Variants in XYLB observed in about 807,000 individuals in gnomAD.
XYLB encodes xylulose kinase.
XYLB carries 62 observed loss-of-function variants against 78.7 expected under a neutral mutation model. That is an observed-to-expected ratio of 0.79 (90% CI 0.64 to 0.97). The LOEUF (loss-of-function observed/expected upper bound fraction) is 0.97, where lower values mean the gene tolerates loss of function less well. Ranked by LOEUF, XYLB falls within the 50% of genes least tolerant of loss-of-function variation. XYLB has a pLI of 0.00. For synonymous variants in XYLB, 245 were observed against 247.4 expected (o/e 0.99, Z 0.09); for missense variants, 687 against 676.8 (o/e 1.02, Z -0.17).
intron 8 of XYLB, among the ~76,000 whole-genome samples, chr3:38,368,468 T>C (rs1706378112): frequency 6.6e-6 from 1 of 152,198 alleles, no homozygotes. Flanking sequence ...TTTTCTCACC[T>C]AGTGTCTGAG....
At chr3:38,444,991 G>C in the XYLB span, among the ~76,000 whole-genome samples, 1 of 152,162 alleles carries the variant, frequency 6.6e-6, no homozygotes, top group Non-Finnish European at 1.5e-5. Flanking sequence ...TTCCCTCTTA[G>C]ACCGCAAAGA....
downstream of XYLB, among the ~76,000 whole-genome samples, chr3:38,419,093 TC>T (rs1291202264): frequency 6.6e-6 from 1 of 152,210 alleles, no homozygotes; most frequent in Non-Finnish European, 1.5e-5. Flanking sequence ...CCTTTCTGTC[TC>T]TATGGATTTG....
downstream of XYLB, among the ~76,000 whole-genome samples, chr3:38,426,008 C>T (rs536884375): frequency 6.6e-6 from 1 of 152,318 alleles, no homozygotes; most frequent in South Asian, 2.1e-4. Flanking sequence ...GAAGCCTCTC[C>T]TTCTGTGCAT....
At chr3:38,421,837 C>G (rs1320779122), downstream of XYLB, among the ~76,000 whole-genome samples, 1 of 152,116 alleles carries the variant, frequency 6.6e-6, no homozygotes, top group Non-Finnish European at 1.5e-5. Context: ...AAAGGAGTGG[C>G]CTGACCCTCC....
intron 2 of XYLB, chr3:38,355,984 C>A: frequency 1.8e-6 from 1 of 562,348 alleles, no homozygotes; most frequent in Non-Finnish European, 3.2e-6. Context: ...GGTGTGGTCG[C>A]TCACGCCTGT....
downstream of XYLB, among the ~76,000 whole-genome samples, chr3:38,417,943 G>A (rs1339297990): frequency 2.0e-5 from 3 of 149,700 alleles, no homozygotes; most frequent in African/African-American, 7.4e-5. Flanking sequence ...TGTAATCCTA[G>A]AACTTTAGGA....
chr3:38,421,364 CATGGTG>C (rs1209406723), downstream of XYLB: 1 of 152,218 alleles, frequency 6.6e-6, no homozygotes, highest in African/African-American at 2.4e-5. Flanking sequence ...AAGCAATCCT[CATGGTG>C]AGTAAGAAGG....
intron 3 of XYLB, among the ~76,000 whole-genome samples, chr3:38,362,479 C>A (rs1489079703): frequency 6.6e-6 from 1 of 152,270 alleles, no homozygotes. Context: ...CTCAAGTGAT[C>A]CTCCTGCCTT....
chr3:38,348,853 A>G (rs979047723), intron 2 of XYLB, among the ~76,000 whole-genome samples: 1 of 152,138 alleles, frequency 6.6e-6, no homozygotes, highest in African/African-American at 2.4e-5. Flanking sequence ...ATCAGTTGAG[A>G]CCTACTTTGT....
intron 9 of XYLB, chr3:38,372,334 C>T (rs1388248397): frequency 6.2e-6 from 6 of 968,302 alleles, no homozygotes; most frequent in African/African-American, 1.8e-5. Flanking sequence ...ATGCTATATC[C>T]AGAATTTGGA....
chr3:38,420,229 T>C (rs1371193980), exon 18 of XYLB, among the ~76,000 whole-genome samples: 1 of 152,266 alleles, frequency 6.6e-6, no homozygotes, highest in Non-Finnish European at 1.5e-5. Context: ...ATCCATCATG[T>C]CATGTCATCT....
intron 18 of XYLB, among the ~76,000 whole-genome samples, chr3:38,409,782 A>G (rs1475790164): frequency 1.3e-5 from 2 of 152,352 alleles, no homozygotes; most frequent in Middle Eastern, 3.4e-3. Context: ...TCCCATTCAC[A>G]ATTGCTTCAA....
intron 6 of XYLB, among the ~76,000 whole-genome samples, chr3:38,366,485 T>C (rs1169242240): frequency 6.6e-6 from 1 of 152,178 alleles, no homozygotes; most frequent in East Asian, 1.9e-4. Flanking sequence ...TAAGGACATT[T>C]TAAGGATTCA....
intron 15 of XYLB, among the ~76,000 whole-genome samples, chr3:38,379,860 C>T (rs1457750129): frequency 3.9e-5 from 6 of 152,158 alleles, no homozygotes. Context: ...TAACAGAATA[C>T]CTGTTCCTGG....
At chr3:38,397,878 G>T (rs529265397) in intron 17 of XYLB, among the ~76,000 whole-genome samples, 9 of 149,714 alleles carry the variant, frequency 6.0e-5, no homozygotes, top group Non-Finnish European at 1.0e-4. Flanking sequence ...GAGTGCAGTG[G>T]TGCAATCTTG....
At chr3:38,349,936 T>A (rs1575444485) in intron 2 of XYLB, among the ~76,000 whole-genome samples, 1 of 152,228 alleles carries the variant, frequency 6.6e-6, no homozygotes, top group African/African-American at 2.4e-5. Flanking sequence ...AATGACTTCA[T>A]TTTAACTTAA....
intron 2 of XYLB, among the ~76,000 whole-genome samples, chr3:38,353,033 G>C (rs1435242849): frequency 2.6e-5 from 4 of 151,842 alleles, no homozygotes; most frequent in African/African-American, 9.7e-5. Flanking sequence ...ACCTGGCCAA[G>C]TTGTCGCTAT....
chr3:38,431,943 T>C, the XYLB span, among the ~76,000 whole-genome samples: 1 of 152,124 alleles, frequency 6.6e-6, no homozygotes, highest in Admixed American at 6.6e-5. Context: ...AGGATTGTTA[T>C]AATTCAAGAT....
At chr3:38,376,545 G>A (rs914620793) in intron 13 of XYLB, among the ~76,000 whole-genome samples, 19 of 152,162 alleles carry the variant, frequency 1.2e-4, no homozygotes, top group Admixed American at 2.0e-4. Context: ...GTGCATCCCC[G>A]TTCACAGCCT....
Sources: allele counts gnomAD v4.1 joint callset (sites outside exome capture counted in the v4.1 genomes callset), GRCh38; gene constraint gnomAD v4.1.1; transcripts MANE v1.5; gene names NCBI Gene and HGNC (gene_info 2026-07-23, HGNC 2026-07-21).